INSC: variants seen among roughly 807,000 people sequenced by gnomAD.
INSC encodes the protein protein inscuteable homolog.
INSC carries 67 observed loss-of-function variants against 58.6 expected under a neutral mutation model. The observed-to-expected ratio is 1.14, with a 90% confidence interval of 0.94 to 1.40. The LOEUF (loss-of-function observed/expected upper bound fraction) is 1.40, where lower values mean the gene tolerates loss of function less well. INSC is among the 40% of genes most tolerant of loss of function. The pLI is 0.00. For missense variants in INSC, 714 were observed against 692.0 expected (o/e 1.03, Z -0.36); for synonymous variants, 262 against 276.1 (o/e 0.95, Z 0.51).
At chr11:15,112,651 G>C, upstream of INSC, 4 of 485,602 alleles carry the variant, frequency 8.2e-6, 1 homozygote, top group Non-Finnish European at 1.3e-5. Flanking sequence ...GGGAAGTGGG[G>C]GGGGGGCATT....
At chr11:15,149,960 A>G (rs1166730290) in intron 2 of INSC, among the ~76,000 whole-genome samples, 1 of 152,234 alleles carries the variant, frequency 6.6e-6, no homozygotes, top group East Asian at 1.9e-4. Context: ...GATCTTGCAC[A>G]GCAAATCAAT....
intron 7 of INSC, among the ~76,000 whole-genome samples, chr11:15,206,384 A>ACAGCAGGGAGCCACCC (rs560063428): frequency 6.6e-6 from 1 of 152,164 alleles, no homozygotes; most frequent in Non-Finnish European, 1.5e-5. Flanking sequence ...AGGGGACACC[A>ACAGCAGGGAGCCACCC]CAGCAGGGAG....
intron 1 of INSC, among the ~76,000 whole-genome samples, chr11:15,131,064 T>C (rs1848114828): frequency 6.6e-6 from 1 of 152,112 alleles, no homozygotes; most frequent in South Asian, 2.1e-4. Context: ...TTCTTTAGAA[T>C]TATTTTCCTC....
intron 9 of INSC, among the ~76,000 whole-genome samples, chr11:15,232,158 G>A (rs1851948580): frequency 6.6e-6 from 1 of 152,172 alleles, no homozygotes; most frequent in African/African-American, 2.4e-5. Context: ...ACACTTTGCT[G>A]TTCTTCTGAT....
chr11:15,225,740 A>T lies in INSC; in HGVS notation c.1082A>T (p.Glu361Val), dbSNP rs1218655212. 2 of 1,614,076 alleles carry T rather than the reference A, an allele frequency of 1.2e-6. No individual in the cohort carries two copies. The highest frequency in any genetic ancestry group is 1.7e-6 in the Non-Finnish European group (2 of 1,180,004). ...NITFFDTMAC[E>V]MLLQLNAIRV... ...ACGTTCTTTGACACAATGGCCTGCG[A>T]GATGCTCCTGCAGTTGAATGCCATC... Residue 361 changes from glutamate to valine, a missense_variant, in exon 9 of 13, where the codon GAG becomes GTG. By Grantham distance (121) the Glu-to-Val change is moderately radical. Transcript: ENST00000379556.
intron 2 of INSC, among the ~76,000 whole-genome samples, chr11:15,156,268 T>A (rs1764576883): frequency 6.6e-6 from 1 of 152,198 alleles, no homozygotes; most frequent in African/African-American, 2.4e-5. Flanking sequence ...AGACACTCCA[T>A]CGTCTTTATA....
At chr11:15,113,147 G>GTCTTTCTTTCTC (rs1196580161), upstream of INSC, among the ~76,000 whole-genome samples, 151 of 113,822 alleles carry the variant, frequency 1.3e-3, 2 homozygotes, top group African/African-American at 4.6e-3. Context: ...CTTTCTTTCT[G>GTCTTTCTTTCTC]TCTCTCTCTC....
chr11:15,214,658 G>C (rs1851147083), intron 7 of INSC, among the ~76,000 whole-genome samples: 1 of 152,146 alleles, frequency 6.6e-6, no homozygotes, highest in South Asian at 2.1e-4. Context: ...GTTCTGCTAT[G>C]GTTTGATTGT....
chr11:15,128,755 G>T (rs535554218), intron 1 of INSC, among the ~76,000 whole-genome samples: 25 of 152,326 alleles, frequency 1.6e-4, no homozygotes, highest in African/African-American at 5.8e-4. Context: ...TGGACCCAGA[G>T]GTGAGGGGGT....
At chr11:15,129,901 A>C (rs1202419027) in intron 1 of INSC, among the ~76,000 whole-genome samples, 3 of 152,208 alleles carry the variant, frequency 2.0e-5, no homozygotes, top group African/African-American at 4.8e-5. Context: ...AGTGGACTGC[A>C]GGTCTGTGCC....
chr11:15,199,668 T>C (rs1393581559), intron 6 of INSC, among the ~76,000 whole-genome samples: 1 of 152,184 alleles, frequency 6.6e-6, no homozygotes, highest in Non-Finnish European at 1.5e-5. Flanking sequence ...TTGCTTAGTT[T>C]TGGGAACCGG....
intron 7 of INSC, among the ~76,000 whole-genome samples, chr11:15,219,815 G>C (rs1375240472): frequency 6.6e-6 from 1 of 152,216 alleles, no homozygotes; most frequent in Admixed American, 6.5e-5. Context: ...ATGAAAGCCA[G>C]ATGGAGTAAG....
intron 2 of INSC, among the ~76,000 whole-genome samples, chr11:15,152,826 C>T (rs1348486649): frequency 6.6e-6 from 1 of 152,160 alleles, no homozygotes; most frequent in African/African-American, 2.4e-5. Flanking sequence ...AAAGAGGAAT[C>T]TCGGTACCAC....
chr11:15,144,602 T>C (rs1216348303), intron 1 of INSC, among the ~76,000 whole-genome samples: 1 of 152,222 alleles, frequency 6.6e-6, no homozygotes, highest in African/African-American at 2.4e-5. Context: ...GTCCCTTCCA[T>C]GTTGACAGCC....
intron 9 of INSC, among the ~76,000 whole-genome samples, chr11:15,230,601 G>T (rs181490622): frequency 5.7e-4 from 87 of 152,336 alleles, no homozygotes; most frequent in African/African-American, 2.1e-3. Context: ...CAGGGATATT[G>T]TGTAGTATTG....
intron 2 of INSC, among the ~76,000 whole-genome samples, chr11:15,166,693 T>A (rs1231143109): frequency 6.6e-6 from 1 of 152,234 alleles, no homozygotes; most frequent in Non-Finnish European, 1.5e-5. Context: ...AGTCTTAGGC[T>A]TATTTGATTC....
At chr11:15,240,634 T>C in intron 12 of INSC, 111 bp downstream of exon 12, 2 of 776,804 alleles carry the variant, frequency 2.6e-6, no homozygotes, top group South Asian at 2.9e-5. Context: ...AAAACCTCTC[T>C]GGGCTTTAGC....
intron 12 of INSC, among the ~76,000 whole-genome samples, chr11:15,245,568 CTTGCTGA>C (rs1852530928): frequency 6.6e-6 from 1 of 152,132 alleles, no homozygotes; most frequent in East Asian, 1.9e-4. Context: ...TCTATAGCAC[CTTGCTGA>C]ATTTATGGAT....
At chr11:15,230,715 T>G (rs1029835901) in intron 9 of INSC, among the ~76,000 whole-genome samples, 1 of 152,262 alleles carries the variant, frequency 6.6e-6, no homozygotes, top group African/African-American at 2.4e-5. Context: ...GACTTTTATA[T>G]GCTCTCTAAT....
Sources: allele counts gnomAD v4.1 joint callset (sites outside exome capture counted in the v4.1 genomes callset), GRCh38; gene constraint gnomAD v4.1.1; transcripts MANE v1.5; gene names NCBI Gene and HGNC (gene_info 2026-07-23, HGNC 2026-07-21).